TMEM9: variants seen among roughly 807,000 people sequenced by gnomAD.
TMEM9 encodes transmembrane protein 9, also known as proton-transporting V-type ATPase complex assembly regulator TMEM9.
TMEM9 carries 13 observed loss-of-function variants against 22.8 expected under a neutral mutation model. The ratio of observed to expected loss-of-function variants is 0.57; its 90% CI spans 0.37 to 0.91. The LOEUF is 0.91. Among genes scored for constraint, TMEM9 ranks in the 40% least tolerant of loss-of-function variants. The probability of loss-of-function intolerance (pLI) is 0.01; values close to 1 mark genes in which losing one functional copy is unlikely to be tolerated. For synonymous variants in TMEM9, 88 were observed against 93.0 expected (o/e 0.95, Z 0.31); for missense variants, 182 against 238.1 (o/e 0.76, Z 1.55).
At chr1:201,141,541 G>A (rs1047371850) in intron 4 of TMEM9, among the ~76,000 whole-genome samples, 1 of 152,104 alleles carries the variant, frequency 6.6e-6, no homozygotes, top group Admixed American at 6.5e-5. Flanking sequence ...CCTAGGTCAG[G>A]GTATCAAAGA....
chr1:201,150,595 A>G (rs1448556953), intron 2 of TMEM9, among the ~76,000 whole-genome samples: 2 of 152,208 alleles, frequency 1.3e-5, no homozygotes, highest in Non-Finnish European at 2.9e-5. Flanking sequence ...GAAGTCAGGA[A>G]GGTGGAACAC....
intron 1 of TMEM9, among the ~76,000 whole-genome samples, 197 bp from the exon 2 acceptor site, chr1:201,152,049 T>C (rs1665466938): frequency 6.6e-6 from 1 of 152,144 alleles, no homozygotes; most frequent in Non-Finnish European, 1.5e-5. Context: ...CACCGGGTCC[T>C]AAAGATAGAA....
intron 1 of TMEM9, among the ~76,000 whole-genome samples, chr1:201,152,705 C>T (rs1166777230): frequency 6.6e-6 from 1 of 152,212 alleles, no homozygotes; most frequent in African/African-American, 2.4e-5. Flanking sequence ...GTAGTACTAG[C>T]ACCCCTAAAA....
At chr1:201,151,356 T>C (rs903788088) in intron 2 of TMEM9, among the ~76,000 whole-genome samples, 1 of 152,222 alleles carries the variant, frequency 6.6e-6, no homozygotes, top group African/African-American at 2.4e-5. Flanking sequence ...GCAAAATCCA[T>C]CCCACCTACT....
intron 2 of TMEM9, 27 bp from the exon 3 acceptor site, chr1:201,146,875 G>T: frequency 6.2e-7 from 1 of 1,607,950 alleles, no homozygotes; most frequent in Non-Finnish European, 8.5e-7. Flanking sequence ...CAGGGCTGTC[G>T]AGGCAGGGCC....
intron 1 of TMEM9, among the ~76,000 whole-genome samples, chr1:201,166,506 G>T (rs1666081594): frequency 6.6e-6 from 1 of 151,974 alleles, no homozygotes. Context: ...GAAACTGCAG[G>T]CACCTGCCAC....
intron 4 of TMEM9, among the ~76,000 whole-genome samples, chr1:201,141,457 A>C (rs563414541): frequency 2.1e-4 from 32 of 152,294 alleles, no homozygotes; most frequent in Non-Finnish European, 3.8e-4. Flanking sequence ...GACTGGGGGC[A>C]CTTCCTTACC....
Position 201,143,916 on chromosome 1 carries a change from G to A in TMEM9, c.303C>T (p.Ala101=). 6 of 1,614,088 alleles carry A rather than the reference G, an allele frequency of 3.7e-6. No individual in the cohort carries two copies. Among genetic ancestry groups the A allele is most frequent in the Non-Finnish European group, 5.1e-6 (6 of 1,180,014 alleles). Residue 101 remains alanine (A), a synonymous_variant, in exon 4 of 5, where the codon GCC becomes GCT. Coordinates refer to ENST00000367330, the MANE Select transcript of TMEM9 (RefSeq NM_001288565.2). The stretch of plus-strand genomic sequence containing the variant: ...TCAGGAAGGCCATGTAGAGCAACAG[G>A]GCACCCACCACGGACAGGTAGATGA... ...IIVIYLSVVG[A]LLLYMAFLML...
At chr1:201,143,986 T>C in intron 3 of TMEM9, 35 bp from the exon 4 acceptor site, 1 of 1,612,362 alleles carries the variant, frequency 6.2e-7, no homozygotes, top group Non-Finnish European at 8.5e-7. Flanking sequence ...TGAACCATTA[T>C]CTGAGGCCAG....
intron 1 of TMEM9, among the ~76,000 whole-genome samples, chr1:201,160,546 G>A (rs831744): frequency 0.28 from 42,867 of 151,518 alleles, 7,243 homozygotes; most frequent in Admixed American, 0.42. Context: ...CCGAGATCGC[G>A]CCATTGCACT....
intron 2 of TMEM9, among the ~76,000 whole-genome samples, chr1:201,150,936 C>G (rs566095761): frequency 2.6e-5 from 4 of 152,162 alleles, no homozygotes; most frequent in Admixed American, 1.3e-4. Flanking sequence ...CCTCCAAGAA[C>G]GGAGCTTCCT....
chr1:201,150,826 C>T (rs1438037068), intron 2 of TMEM9, among the ~76,000 whole-genome samples: 2 of 152,140 alleles, frequency 1.3e-5, no homozygotes, highest in Non-Finnish European at 2.9e-5. Context: ...TTTCTCAAAG[C>T]TCATCTGCTT....
chr1:201,150,985 C>T (rs763886883), intron 2 of TMEM9, among the ~76,000 whole-genome samples: 81 of 152,210 alleles, frequency 5.3e-4, no homozygotes, highest in South Asian at 1.4e-3. Flanking sequence ...GCTCCCTCAA[C>T]TCATGCTTAA....
At chr1:201,159,836 C>T (rs1665898760) in intron 1 of TMEM9, among the ~76,000 whole-genome samples, 1 of 152,134 alleles carries the variant, frequency 6.6e-6, no homozygotes, top group Non-Finnish European at 1.5e-5. Context: ...ATGTAATATG[C>T]ACACTCATAT....
At chr1:201,167,281 T>C (rs1212030781) in intron 1 of TMEM9, among the ~76,000 whole-genome samples, 1 of 152,186 alleles carries the variant, frequency 6.6e-6, no homozygotes, top group East Asian at 1.9e-4. Context: ...TCAGTCTCTC[T>C]GAAGGCTCAG....
chr1:201,158,634 G>A (rs559438784), upstream of TMEM9, among the ~76,000 whole-genome samples: 185 of 152,210 alleles, frequency 1.2e-3, 4 homozygotes, highest in South Asian at 0.033. Flanking sequence ...CCCCTGGCTC[G>A]GGGCTCAGTG....
At chr1:201,138,561 G>C (rs1664217617) in intron 4 of TMEM9, among the ~76,000 whole-genome samples, 2 of 152,188 alleles carry the variant, frequency 1.3e-5, no homozygotes, top group Non-Finnish European at 2.9e-5. Flanking sequence ...AGTTAGGAGG[G>C]GAGGCGGGTG....
In TMEM9 at chr1:201,151,827, C is replaced by T. The variant is rs1359097629; in HGVS notation, c.92G>A (p.Cys31Tyr). ...NKSSEDIRCK[C>Y]ICPPYRNISG... ...GATGTTTCTATAAGGTGGACAGATG[C>T]ATTTGCACCGGATATCTTCAGAACT... Residue 31 changes from cysteine to tyrosine, a missense_variant, in exon 2 of 5, where the codon TGC (cysteine) becomes TAC (tyrosine). Transcript: ENST00000367330. 6.2e-7 allele frequency: 1 copy of T among 1,613,650 alleles called. No homozygotes were observed. Among genetic ancestry groups the T allele is most frequent in the East Asian group, 2.2e-5 (1 of 44,902 alleles).
intron 1 of TMEM9, among the ~76,000 whole-genome samples, chr1:201,165,522 TG>T (rs990873982): frequency 6.6e-5 from 10 of 151,846 alleles, no homozygotes; most frequent in African/African-American, 2.4e-4. Context: ...CTACAACCTC[TG>T]GCTCCCTGGT....
Sources: gnomAD v4.1 joint callset for allele counts (sites outside exome capture counted in the v4.1 genomes callset) on GRCh38, gnomAD v4.1.1 for gene constraint, MANE v1.5 for transcripts, NCBI Gene and HGNC (gene_info 2026-07-23, HGNC 2026-07-21) for gene names.